The following CNKSR3 variants were observed in gnomAD, a reference collection of about 807,000 sequenced individuals.
CNKSR3 encodes CNKSR family member 3, also known as connector enhancer of kinase suppressor of ras 3.
A neutral mutation model predicts 67.7 loss-of-function variants in CNKSR3; 36 were observed. The observed-to-expected ratio is 0.53, with a 90% CI of 0.41 to 0.70. The LOEUF (loss-of-function observed/expected upper bound fraction) is 0.70, where lower values mean the gene tolerates loss of function less well. Ranked by LOEUF, CNKSR3 falls within the 30% of genes least tolerant of loss-of-function variation. The pLI, the probability that CNKSR3 is intolerant of heterozygous loss-of-function variation, is 0.00. For missense variants in CNKSR3, 630 were observed against 695.2 expected (o/e 0.91, Z 1.05); for synonymous variants, 281 against 271.4 (o/e 1.04, Z -0.35).
chr6:154,430,734 G>T, intron 5 of CNKSR3, 143 bp from the exon 6 acceptor site: 1 of 736,624 alleles, frequency 1.4e-6, no homozygotes, highest in Non-Finnish European at 2.2e-6. Context: ...GTGAATGCAT[G>T]GCATTTAGAC....
At chr6:154,433,606 G>A (rs1406455979) in intron 4 of CNKSR3, 99 bp from the exon 5 acceptor site, 14 of 854,112 alleles carry the variant, frequency 1.6e-5, no homozygotes, top group Admixed American at 1.0e-4. Flanking sequence ...AGCTCAAGAC[G>A]GTCCCTGACA....
chr6:154,501,550 C>A (rs755473819), intron 1 of CNKSR3, among the ~76,000 whole-genome samples: 10 of 152,064 alleles, frequency 6.6e-5, no homozygotes, highest in Non-Finnish European at 1.0e-4. Flanking sequence ...CACCTCAGGG[C>A]CTTTGCATGA....
In CNKSR3 at chr6:154,406,507, G is replaced by A. The variant is rs1318565902; in HGVS notation, c.1515C>T (p.Cys505=). ...RGADYIRGSR[C]YINSDLHSSA... is the part of the protein sequence containing the mutation. Reference sequence around the variant, plus strand: ...TGCTGTGGAGATCTGAGTTGATGTAGCACCTGCTTCCTCGGATGTAGTCCG... The same window carrying A: ...TGCTGTGGAGATCTGAGTTGATGTAACACCTGCTTCCTCGGATGTAGTCCG... Residue 505 remains cysteine (C), a synonymous_variant, in exon 13 of 13, where the codon TGC becomes TGT. Transcript: ENST00000607772. 1.2e-6 allele frequency: 2 copies of A among 1,614,098 alleles called. No homozygotes were observed. Among genetic ancestry groups the A allele is most frequent in the South Asian group, 2.2e-5 (2 of 91,086 alleles).
At chr6:154,496,669 C>T (rs1786885232) in intron 1 of CNKSR3, among the ~76,000 whole-genome samples, 2 of 151,960 alleles carry the variant, frequency 1.3e-5, no homozygotes, top group African/African-American at 2.4e-5. Context: ...TCAAATAGTC[C>T]CCATTAAATA....
chr6:154,503,339 G>A (rs1359437121), intron 1 of CNKSR3, among the ~76,000 whole-genome samples: 1 of 152,144 alleles, frequency 6.6e-6, no homozygotes, highest in Non-Finnish European at 1.5e-5. Flanking sequence ...GGGGGCAGGG[G>A]TTGGTCCTGA....
intron 12 of CNKSR3, among the ~76,000 whole-genome samples, chr6:154,409,930 C>T (rs1328465803): frequency 6.6e-6 from 1 of 151,548 alleles, no homozygotes; most frequent in African/African-American, 2.4e-5. Flanking sequence ...ACCTGTAGTC[C>T]CTGCTACTCA....
At chr6:154,426,985 C>A (rs1223689139) in intron 7 of CNKSR3, among the ~76,000 whole-genome samples, 1 of 152,124 alleles carries the variant, frequency 6.6e-6, no homozygotes, top group African/African-American at 2.4e-5. Context: ...GTCTTTTCTT[C>A]CGCACCATCC....
intron 1 of CNKSR3, among the ~76,000 whole-genome samples, chr6:154,461,293 A>C (rs958176115): frequency 1.3e-5 from 2 of 152,228 alleles, no homozygotes; most frequent in Non-Finnish European, 2.9e-5. Context: ...GTGGTCAATG[A>C]AGAAATAAGT....
chr6:154,502,792 G>A (rs1259363225), intron 1 of CNKSR3, among the ~76,000 whole-genome samples: 1 of 152,174 alleles, frequency 6.6e-6, no homozygotes, highest in Non-Finnish European at 1.5e-5. Context: ...CTTACATAAT[G>A]GGTAAGCCAG....
intron 1 of CNKSR3, among the ~76,000 whole-genome samples, chr6:154,463,817 T>A (rs1463223382): frequency 6.6e-6 from 1 of 152,154 alleles, no homozygotes; most frequent in Non-Finnish European, 1.5e-5. Flanking sequence ...TTCACTGCAG[T>A]GTAAAATGCA....
intron 1 of CNKSR3, among the ~76,000 whole-genome samples, chr6:154,470,182 TCTTTC>T (rs796216489): frequency 2.5e-5 from 3 of 120,792 alleles, no homozygotes; most frequent in Admixed American, 9.0e-5. Context: ...GAACCTACTT[TCTTTC>T]CTTTTTTTTT....
At chr6:154,442,329 T>C in intron 2 of CNKSR3, 39 bp from the exon 3 acceptor site, 1 of 1,575,500 alleles carries the variant, frequency 6.3e-7, no homozygotes, top group Non-Finnish European at 8.7e-7. Context: ...TTCAAAACAA[T>C]GCACAATATT....
intron 9 of CNKSR3, among the ~76,000 whole-genome samples, chr6:154,417,163 C>T (rs528180453): frequency 5.9e-5 from 9 of 152,332 alleles, no homozygotes; most frequent in East Asian, 1.9e-4. Flanking sequence ...TTTGTCACCA[C>T]GCAGGTTCCC....
intron 1 of CNKSR3, among the ~76,000 whole-genome samples, chr6:154,455,869 C>G (rs1785941754): frequency 2.4e-5 from 2 of 83,974 alleles, no homozygotes; most frequent in South Asian, 1.2e-3. Context: ...AACTCCAAGC[C>G]TCTCAGTATC....
At chr6:154,433,242 CAG>C (rs1254034519) in intron 5 of CNKSR3, among the ~76,000 whole-genome samples, 4 of 152,024 alleles carry the variant, frequency 2.6e-5, no homozygotes, top group African/African-American at 9.7e-5. Flanking sequence ...AAAAATAAAA[CAG>C]AGACTCGATG....
intron 10 of CNKSR3, among the ~76,000 whole-genome samples, chr6:154,412,248 C>T (rs1784926284): frequency 1.3e-5 from 2 of 152,182 alleles, no homozygotes; most frequent in African/African-American, 4.8e-5. Context: ...CATATAACTC[C>T]CCATTCACAA....
At chr6:154,414,234 A>G in intron 10 of CNKSR3, 65 bp downstream of exon 10, 1 of 1,498,174 alleles carries the variant, frequency 6.7e-7, no homozygotes, top group East Asian at 2.3e-5. Flanking sequence ...TCCTCTTTTC[A>G]CACCACCATT....
chr6:154,426,987 G>A (rs184097043), intron 7 of CNKSR3, among the ~76,000 whole-genome samples: 4 of 152,184 alleles, frequency 2.6e-5, no homozygotes, highest in Admixed American at 6.5e-5. Flanking sequence ...CTTTTCTTCC[G>A]CACCATCCCC....
chr6:154,507,713 G>C (rs1415799533), intron 1 of CNKSR3, among the ~76,000 whole-genome samples: 1 of 152,100 alleles, frequency 6.6e-6, no homozygotes, highest in African/African-American at 2.4e-5. Flanking sequence ...TTTGTATAAC[G>C]TAGTCAAGTG....
Sources: allele counts gnomAD v4.1 joint callset (sites outside exome capture counted in the v4.1 genomes callset), GRCh38; gene constraint gnomAD v4.1.1; transcripts MANE v1.5; gene names NCBI Gene and HGNC (gene_info 2026-07-23, HGNC 2026-07-21).